The following ATAD2B variants were observed in gnomAD, a reference collection of about 807,000 sequenced individuals.
ATAD2B encodes the protein ATPase family AAA domain-containing protein 2B.
ATAD2B carries 40 observed loss-of-function variants against 167.6 expected under a neutral mutation model. The observed-to-expected ratio is 0.24, with a 90% CI of 0.19 to 0.31. The LOEUF (loss-of-function observed/expected upper bound fraction) is 0.31, where lower values mean the gene tolerates loss of function less well. Ranked by LOEUF, ATAD2B falls within the 10% of genes least tolerant of loss-of-function variation. ATAD2B has a pLI of 1.00. For missense variants in ATAD2B, 1,242 were observed against 1,757.2 expected (o/e 0.71, Z 5.24); for synonymous variants, 579 against 596.5 (o/e 0.97, Z 0.43).
At chr2:23,765,259 CA>C (rs1310967337) in intron 23 of ATAD2B, among the ~76,000 whole-genome samples, 1 of 152,154 alleles carries the variant, frequency 6.6e-6, no homozygotes, top group East Asian at 1.9e-4. Context: ...TATACTCCTA[CA>C]AAACAAATTT....
chr2:23,691,557 C>T, the ATAD2B span: 1 of 773,124 alleles, frequency 1.3e-6, no homozygotes, highest in South Asian at 1.7e-5. Flanking sequence ...ATTGCCGTGT[C>T]CTTTGAGCCC....
intron 22 of ATAD2B, among the ~76,000 whole-genome samples, chr2:23,780,885 C>T (rs775423288): frequency 6.6e-6 from 1 of 152,160 alleles, no homozygotes; most frequent in African/African-American, 2.4e-5. Context: ...GCCTGGGTGA[C>T]ACAGTGACTC....
chr2:23,696,200 G>C, the ATAD2B span: 2 of 1,509,060 alleles, frequency 1.3e-6, no homozygotes, highest in Non-Finnish European at 1.8e-6. The surrounding 1 kb of genome is among the most constrained non-coding windows in gnomAD (Gnocchi z 5.5). Flanking sequence ...CCCCACGTCA[G>C]GGCTGAGGAA....
the ATAD2B span, among the ~76,000 whole-genome samples, chr2:23,741,376 C>A: frequency 6.6e-6 from 1 of 152,126 alleles, no homozygotes. Context: ...TGGAACAGAA[C>A]ACAGCCCTCA....
At chr2:23,691,792 G>A in the ATAD2B span, 40 of 1,551,558 alleles carry the variant, frequency 2.6e-5, no homozygotes, top group African/African-American at 9.6e-5. Flanking sequence ...CCTGGTCATC[G>A]ACTCGGCCAA....
chr2:23,698,070 C>G, the ATAD2B span: 1 of 152,240 alleles, frequency 6.6e-6, no homozygotes, highest in Non-Finnish European at 1.5e-5. Context: ...AGCAGTGAGA[C>G]AAGCTCTACT....
At chr2:23,754,106 CTT>C (rs1205863081) in intron 27 of ATAD2B, 71 bp downstream of exon 27, 1 of 1,306,358 alleles carries the variant, frequency 7.7e-7, no homozygotes, top group African/African-American at 1.6e-5. Flanking sequence ...GGCAAAATAA[CTT>C]TTTTTCCTCT....
At chr2:23,848,744 A>G (rs941085917) in intron 13 of ATAD2B, among the ~76,000 whole-genome samples, 2 of 152,236 alleles carry the variant, frequency 1.3e-5, no homozygotes, top group African/African-American at 4.8e-5. Flanking sequence ...AGGAAAAGGG[A>G]AAACAAGAAA....
At chr2:23,872,799 G>A (rs1696204588) in intron 8 of ATAD2B, 1 of 979,334 alleles carries the variant, frequency 1.0e-6, no homozygotes, top group African/African-American at 1.6e-5. Flanking sequence ...ATGGCATCTA[G>A]CACTGTCCAG....
the ATAD2B span, among the ~76,000 whole-genome samples, chr2:23,692,618 G>A: frequency 6.6e-6 from 1 of 152,204 alleles, no homozygotes; most frequent in Non-Finnish European, 1.5e-5. Context: ...GCACAGATGG[G>A]CCTCCAGAAA....
rs188949790 is a variant in ATAD2B, at chr2:23,762,212, C to A, written c.3391G>T (p.Ala1131Ser). ...DVWHNSANKC[A>S]FRVRRKSRRR... The stretch of plus-strand genomic sequence containing the variant: ...TAACATGAGCTGAAATACTCACATG[C>A]ACATTTATTTGCAGAGTTGTGCCAC... Residue 1131 changes from alanine to serine, a missense_variant, in exon 24 of 28, where the codon GCA becomes TCA. Ala to Ser is a moderately conservative substitution (Grantham distance 99). This residue lies in a region of ATAD2B where 204 missense variants were observed against 324.0 expected (regional missense o/e 0.63). Transcript: ENST00000238789. The A allele has an allele frequency of 6.2e-7, 1 of 1,613,256 alleles. No individual in the cohort carries two copies. The highest frequency in any genetic ancestry group is 2.2e-5 in the East Asian group (1 of 44,818).
At chr2:23,881,408 T>C (rs1188722369) in intron 6 of ATAD2B, among the ~76,000 whole-genome samples, 2 of 139,808 alleles carry the variant, frequency 1.4e-5, no homozygotes, top group Non-Finnish European at 3.0e-5. Flanking sequence ...GTCGCCAGGC[T>C]GGAGTACAGT....
At chr2:23,823,121 G>A (rs927321091) in intron 16 of ATAD2B, 137 bp downstream of exon 16, 17 of 755,900 alleles carry the variant, frequency 2.2e-5, no homozygotes, top group Non-Finnish European at 3.3e-5. Flanking sequence ...CAGGCAATAT[G>A]CCAGGCCTGG....
chr2:23,760,081 C>T (rs1406381694), intron 24 of ATAD2B, among the ~76,000 whole-genome samples: 1 of 152,210 alleles, frequency 6.6e-6, no homozygotes, highest in Non-Finnish European at 1.5e-5. Context: ...ACCTGACATG[C>T]AGTACATAAG....
At chr2:23,723,378 G>T in the ATAD2B span, among the ~76,000 whole-genome samples, 35 of 147,282 alleles carry the variant, frequency 2.4e-4, no homozygotes, top group African/African-American at 8.5e-4. Context: ...GGGAAGGGAG[G>T]GGCAGGGAGA....
At chr2:23,847,645 C>T (rs1451363760) in intron 13 of ATAD2B, among the ~76,000 whole-genome samples, 33 of 150,554 alleles carry the variant, frequency 2.2e-4, no homozygotes, top group South Asian at 2.1e-4. Flanking sequence ...GGGAATGAGA[C>T]GCTGTCTCAA....
At chr2:23,698,141 G>A in the ATAD2B span, among the ~76,000 whole-genome samples, 1 of 152,186 alleles carries the variant, frequency 6.6e-6, no homozygotes, top group Non-Finnish European at 1.5e-5. Context: ...CCTTCCCTGG[G>A]GGGCAAGGCC....
intron 13 of ATAD2B, among the ~76,000 whole-genome samples, chr2:23,837,490 C>A (rs1056776317): frequency 6.6e-6 from 1 of 152,172 alleles, no homozygotes; most frequent in Admixed American, 6.5e-5. Flanking sequence ...TGGGCGGCTG[C>A]AGCTGCACCC....
intron 7 of ATAD2B, among the ~76,000 whole-genome samples, chr2:23,879,047 T>C (rs1697463462): frequency 6.6e-6 from 1 of 152,226 alleles, no homozygotes; most frequent in Non-Finnish European, 1.5e-5. Flanking sequence ...ACAGCTCTCA[T>C]ACACTCTTAG....
Sources: allele counts gnomAD v4.1 joint callset (sites outside exome capture counted in the v4.1 genomes callset), GRCh38; gene constraint gnomAD v4.1.1; regional missense constraint gnomAD v4.1.1; non-coding constraint Gnocchi (gnomAD v3.1); transcripts MANE v1.5; gene names NCBI Gene and HGNC (gene_info 2026-07-23, HGNC 2026-07-21).